Variants in UBXN4 observed in about 807,000 individuals in gnomAD.
UBXN4 encodes UBX domain protein 4.
In UBXN4, 35 loss-of-function variants were observed where a neutral mutation model predicts 66.2. The observed-to-expected ratio is 0.53, with a 90% CI of 0.40 to 0.70. The LOEUF (loss-of-function observed/expected upper bound fraction) is 0.70, where lower values mean the gene tolerates loss of function less well. UBXN4 is among the 30% of genes least tolerant of loss of function. The pLI is 0.00. For synonymous variants in UBXN4, 203 were observed against 204.5 expected (o/e 0.99, Z 0.06); for missense variants, 533 against 599.8 (o/e 0.89, Z 1.16).
chr2:135,769,711 T>A (rs2077370545), intron 6 of UBXN4, 58 bp from the exon 7 acceptor site: 1 of 1,260,484 alleles, frequency 7.9e-7, no homozygotes, highest in African/African-American at 1.5e-5. Context: ...CTCCTAAATG[T>A]GTTTTATATT....
chr2:135,743,033 T>A (rs544216569), intron 1 of UBXN4, among the ~76,000 whole-genome samples: 1 of 152,344 alleles, frequency 6.6e-6, no homozygotes, highest in South Asian at 2.1e-4. Context: ...TCATACTCAT[T>A]ACATGGACCA....
chr2:135,753,015 GC>G (rs2077254662), intron 2 of UBXN4, among the ~76,000 whole-genome samples: 1 of 130,422 alleles, frequency 7.7e-6, no homozygotes. Context: ...ACCACGCCCG[GC>G]CTTTTTTTTT....
At chr2:135,745,465 CTATT>C (rs1452582256) in intron 1 of UBXN4, among the ~76,000 whole-genome samples, 1 of 152,090 alleles carries the variant, frequency 6.6e-6, no homozygotes, top group South Asian at 2.1e-4. Context: ...CGTATAGTGT[CTATT>C]TGTTTAAAAA....
chr2:135,783,015 T>C lies in UBXN4; in HGVS notation c.*128T>C. On this transcript the variant is annotated 3_prime_UTR_variant, in exon 13 of 13. Transcript: ENST00000272638. ...CTATAAAATGTCTCTTTATTCCTGC[T>C]TAGTGGGTGTGGGTTGAAGGTGTTT... The C allele has an allele frequency of 1.0e-6, 1 of 994,770 alleles. No individual in the cohort carries two copies. The highest frequency in any genetic ancestry group is 1.5e-6 in the Non-Finnish European group (1 of 687,478). 61.6% of individuals were successfully genotyped at this position (994,770 alleles called of 1,614,324 possible).
intron 1 of UBXN4, among the ~76,000 whole-genome samples, chr2:135,743,919 A>G (rs779616910): frequency 1.3e-5 from 2 of 152,180 alleles, no homozygotes; most frequent in African/African-American, 2.4e-5. Context: ...TATTACATGT[A>G]TTTAGAATAT....
At chr2:135,755,464 G>A in intron 4 of UBXN4, 53 bp from the exon 5 acceptor site, 1 of 1,405,140 alleles carries the variant, frequency 7.1e-7, no homozygotes, top group African/African-American at 1.5e-5. Context: ...CTACTGCCAT[G>A]GTAAGTTTAG....
Position 135,782,908 on chromosome 2 carries a change from C to T in UBXN4, c.*21C>T, listed in dbSNP as rs1559545320. On this transcript the variant is annotated 3_prime_UTR_variant, in exon 13 of 13. Transcript: ENST00000272638. The stretch of plus-strand genomic sequence containing the variant: ...TGTAGTGTGACAAGTATAATATGTG[C>T]AATAATCATTGTTTCTCTTATGATT... 6.3e-7 allele frequency: 1 copy of T among 1,586,744 alleles called. No individual in the cohort carries two copies. The highest frequency in any genetic ancestry group is 1.1e-5 in the South Asian group (1 of 87,482).
chr2:135,757,520 A>G (rs1056397138), intron 5 of UBXN4, among the ~76,000 whole-genome samples: 10 of 152,140 alleles, frequency 6.6e-5, no homozygotes, highest in Non-Finnish European at 1.5e-4. Context: ...TGACAGTTTC[A>G]ATATCTAGCT....
At chr2:135,753,589 G>C in intron 3 of UBXN4, 22 bp downstream of exon 3, 1 of 1,511,992 alleles carries the variant, frequency 6.6e-7, no homozygotes, top group Non-Finnish European at 8.8e-7. Context: ...GTAAAGAATG[G>C]CTTATATATA....
intron 6 of UBXN4, among the ~76,000 whole-genome samples, chr2:135,764,389 G>C (rs1049420587): frequency 6.6e-6 from 1 of 151,982 alleles, no homozygotes; most frequent in African/African-American, 2.4e-5. Flanking sequence ...TAAGAACATA[G>C]TCCTTCAATC....
intron 1 of UBXN4, chr2:135,742,769 A>G (rs1006095805): frequency 2.2e-4 from 33 of 152,114 alleles, no homozygotes; most frequent in African/African-American, 7.7e-4. Context: ...ATTTTTCTTT[A>G]TGGCAGTCTT....
chr2:135,753,992 G>A (rs191443905), intron 3 of UBXN4, 167 bp from the exon 4 acceptor site: 3 of 576,508 alleles, frequency 5.2e-6, no homozygotes, highest in South Asian at 4.6e-5. Context: ...CATGTCACAT[G>A]TATTAATACT....
intron 11 of UBXN4, 84 bp from the exon 12 acceptor site, chr2:135,780,099 C>T: frequency 2.9e-6 from 4 of 1,358,090 alleles, no homozygotes; most frequent in East Asian, 2.3e-5. Flanking sequence ...CCTCCTTTTC[C>T]AGATAAAAGT....
At chr2:135,752,378 C>CA (rs2077248304) in intron 2 of UBXN4, among the ~76,000 whole-genome samples, 1 of 152,072 alleles carries the variant, frequency 6.6e-6, no homozygotes, top group African/African-American at 2.4e-5. Flanking sequence ...GACAGGGTTT[C>CA]GCCATGTTGG....
In UBXN4 at chr2:135,748,264, C is replaced by T. The variant is rs189048499; in HGVS notation, c.83-3C>T. The T allele has an allele frequency of 1.2e-5, 18 of 1,556,072 alleles. No individual in the cohort carries two copies. The African/African-American group carries it at 2.4e-4, about 20-fold the overall frequency. ...GTATAAGAATTTTTGAAATGTTTTA[C>T]AGGTGATGATGAACAGTCTACACAG... On this transcript the variant is annotated splice_region_variant and splice_polypyrimidine_tract_variant and intron_variant, in intron 1 of 12. Coordinates refer to ENST00000272638, the MANE Select transcript of UBXN4 (RefSeq NM_014607.4).
At chr2:135,764,087 A>G (rs1300571974) in intron 6 of UBXN4, among the ~76,000 whole-genome samples, 3 of 151,968 alleles carry the variant, frequency 2.0e-5, no homozygotes, top group East Asian at 3.9e-4. Flanking sequence ...TCATGCCACT[A>G]CACTCCAGCC....
At chr2:135,754,613 G>A (rs1440059583) in intron 4 of UBXN4, among the ~76,000 whole-genome samples, 2 of 151,110 alleles carry the variant, frequency 1.3e-5, no homozygotes, top group African/African-American at 4.9e-5. Flanking sequence ...GTGAGCCACC[G>A]CACCCTTCCT....
intron 1 of UBXN4, among the ~76,000 whole-genome samples, chr2:135,744,540 C>A (rs2077194991): frequency 6.6e-6 from 1 of 152,082 alleles, no homozygotes; most frequent in Non-Finnish European, 1.5e-5. Context: ...GGTAGGTAGG[C>A]CAAACTTTGT....
chr2:135,742,042 G>C, intron 1 of UBXN4, 31 bp downstream of exon 1: 1 of 1,607,766 alleles, frequency 6.2e-7, no homozygotes, highest in South Asian at 1.1e-5. Context: ...AGAGGCGGCC[G>C]GGACACCCCT....
Sources: allele counts gnomAD v4.1 joint callset (sites outside exome capture counted in the v4.1 genomes callset), GRCh38; gene constraint gnomAD v4.1.1; transcripts MANE v1.5; gene names NCBI Gene and HGNC (gene_info 2026-07-23, HGNC 2026-07-21).